The following ADAMTS6 variants were observed in gnomAD, a reference collection of about 807,000 sequenced individuals.
ADAMTS6 encodes the protein A disintegrin and metalloproteinase with thrombospondin motifs 6.
ADAMTS6 carries 23 observed loss-of-function variants against 144.3 expected under a neutral mutation model. The observed-to-expected ratio is 0.16, with a 90% confidence interval of 0.11 to 0.23. ADAMTS6 has a LOEUF of 0.23. Among genes scored for constraint, ADAMTS6 ranks in the 10% least tolerant of loss-of-function variants. The pLI, the probability that ADAMTS6 is intolerant of heterozygous loss-of-function variation, is 1.00. For synonymous variants in ADAMTS6, 444 were observed against 457.5 expected (o/e 0.97, Z 0.38); for missense variants, 999 against 1,379.6 (o/e 0.72, Z 4.37).
At chr5:65,284,184 C>A (rs917281759) in intron 11 of ADAMTS6, among the ~76,000 whole-genome samples, 3 of 151,814 alleles carry the variant, frequency 2.0e-5, no homozygotes, top group African/African-American at 7.3e-5. Flanking sequence ...ATAAAATAAA[C>A]AAAAGGGAAT....
At chr5:65,352,500 A>T (rs1283518259) in intron 7 of ADAMTS6, among the ~76,000 whole-genome samples, 2 of 152,130 alleles carry the variant, frequency 1.3e-5, no homozygotes, top group African/African-American at 4.8e-5. Flanking sequence ...CCATAATTAT[A>T]TACTATAATA....
intron 3 of ADAMTS6, among the ~76,000 whole-genome samples, chr5:65,463,078 A>T (rs1580767435): frequency 1.8e-5 from 1 of 55,416 alleles, no homozygotes; most frequent in Admixed American, 1.5e-4. Context: ...GACTCCGTCT[A>T]AAAAAAAAAA....
intron 7 of ADAMTS6, among the ~76,000 whole-genome samples, chr5:65,368,527 A>G (rs577433399): frequency 4.3e-4 from 65 of 152,328 alleles, no homozygotes; most frequent in African/African-American, 1.5e-3. Context: ...AATGAGAGGA[A>G]GCCTCAAAAG....
intron 7 of ADAMTS6, among the ~76,000 whole-genome samples, chr5:65,387,057 A>G (rs1207974448): frequency 1.3e-5 from 2 of 152,232 alleles, no homozygotes; most frequent in East Asian, 3.8e-4. Flanking sequence ...AAATGACACA[A>G]TTTAAAAATT....
intron 12 of ADAMTS6, among the ~76,000 whole-genome samples, chr5:65,268,529 T>C (rs186227366): frequency 1.5e-3 from 228 of 152,280 alleles, no homozygotes; most frequent in Middle Eastern, 6.8e-3. Context: ...GACTGACCCA[T>C]AGACACACAG....
Position 65,460,189 on chromosome 5 carries a change from G to A in ADAMTS6, c.612C>T (p.His204=). 2 of 1,614,056 alleles carry A rather than the reference G, an allele frequency of 1.2e-6. No individual in the cohort carries two copies. The highest frequency in any genetic ancestry group is 1.7e-6 in the Non-Finnish European group (2 of 1,179,960). Residue 204 remains histidine, a synonymous_variant, in exon 4 of 25, where the codon CAC becomes CAT. Transcript: ENST00000381055. ...SALQQRHLYD[H]SHCGVSDFTR... ...ACTCACCCGAAACCCCACAATGAGA[G>A]TGATCATACAGATGTCGTTGTTGAA... is the stretch of plus-strand genomic sequence containing the variant.
intron 7 of ADAMTS6, among the ~76,000 whole-genome samples, chr5:65,397,430 C>G (rs1278777219): frequency 1.3e-5 from 2 of 152,112 alleles, no homozygotes; most frequent in Non-Finnish European, 2.9e-5. Flanking sequence ...ATTTCCCTTT[C>G]TAATATATGC....
At chr5:65,314,937 A>T (rs1178282204) in intron 9 of ADAMTS6, among the ~76,000 whole-genome samples, 1 of 152,170 alleles carries the variant, frequency 6.6e-6, no homozygotes, top group Non-Finnish European at 1.5e-5. Context: ...AATCACCCAC[A>T]TTTGATCATA....
At chr5:65,337,485 T>C (rs1158650166) in intron 7 of ADAMTS6, among the ~76,000 whole-genome samples, 4 of 152,128 alleles carry the variant, frequency 2.6e-5, no homozygotes, top group African/African-American at 7.2e-5. Flanking sequence ...AACTATTCTC[T>C]GTGCTGTCAG....
chr5:65,370,444 G>A (rs1182975645), intron 7 of ADAMTS6, among the ~76,000 whole-genome samples: 2 of 152,170 alleles, frequency 1.3e-5, no homozygotes, highest in Non-Finnish European at 2.9e-5. Context: ...GAAGCAGGGA[G>A]AGGCATTGCC....
intron 15 of ADAMTS6, among the ~76,000 whole-genome samples, chr5:65,238,745 A>G (rs1051472204): frequency 6.6e-6 from 1 of 152,348 alleles, no homozygotes; most frequent in Admixed American, 6.5e-5. Flanking sequence ...AAGTACATGC[A>G]GGACCTTACA....
In ADAMTS6 at chr5:65,403,466, G is replaced by A. The variant is rs115052850; in HGVS notation, c.1073+48009C>T. 5.3e-4 allele frequency among the ~76,000 whole-genome samples: 81 copies of A among 152,110 alleles called. 1 individual carries two copies. The highest frequency in any genetic ancestry group is 1.2e-3 in the African/African-American group (51 of 41,510). On this transcript the variant is annotated intron_variant, in intron 7 of 24. Coordinates refer to ENST00000381055, the MANE Select transcript of ADAMTS6 (RefSeq NM_197941.4). Reference sequence around the variant, plus strand: ...AGCAAGATCATGATCAAGAATTCTCGATCTTCCCCTATAAACCTGTTCCTC... The same window carrying A: ...AGCAAGATCATGATCAAGAATTCTCAATCTTCCCCTATAAACCTGTTCCTC...
chr5:65,291,903 T>C (rs891601901), intron 10 of ADAMTS6, among the ~76,000 whole-genome samples: 2 of 152,186 alleles, frequency 1.3e-5, no homozygotes, highest in Non-Finnish European at 2.9e-5. Flanking sequence ...TAGTTCCACC[T>C]TGGGCAGAAC....
Position 65,214,867 on chromosome 5 carries a change from G to A in ADAMTS6, c.2502C>T (p.Gly834=), listed in dbSNP as rs1162782167. 6.2e-7 allele frequency: 1 copy of A among 1,614,090 alleles called. No individual in the cohort carries two copies. The highest frequency in any genetic ancestry group is 1.7e-5 in the Admixed American group (1 of 60,014). The part of the protein sequence containing the change: ...YKFNVPITRT[G]SGDNEVGFTW... ...TAAAGCCAACTTCATTATCTCCACT[G>A]CCAGTTCGAGTGATGGGAACATTGA... is the stretch of plus-strand genomic sequence containing the variant. Residue 834 remains glycine, a synonymous_variant, in exon 20 of 25, where the codon GGC becomes GGT. Transcript: ENST00000381055. This position sits in a 1 kb window ranked among gnomAD's most constrained non-coding sequence, Gnocchi z 4.6.
intron 7 of ADAMTS6, among the ~76,000 whole-genome samples, chr5:65,409,447 G>A (rs1288030542): frequency 1.3e-5 from 2 of 152,104 alleles, no homozygotes; most frequent in African/African-American, 4.8e-5. Context: ...GACTAAATCA[G>A]GAAGAAGTTG....
At chr5:65,345,099 A>T (rs1748192910) in intron 7 of ADAMTS6, among the ~76,000 whole-genome samples, 1 of 151,800 alleles carries the variant, frequency 6.6e-6, no homozygotes, top group Non-Finnish European at 1.5e-5. Context: ...CCCAGCATCT[A>T]AAAAAATTCC....
At position 65,291,320 on chromosome 5, in the gene ADAMTS6, A is replaced by G. The variant is rs765116206; in HGVS notation, c.1512+9T>C. 1.9e-5 allele frequency: 31 copies of G among 1,605,694 alleles called. No individual in the cohort carries two copies. In the Admixed American group the frequency reaches 3.6e-4, roughly 18 times the overall value. ...TAAATGACGAAACATAAGGATGAAG[A>G]CTTCTTACCCCATATTTACATTGGC... On this transcript the variant is annotated intron_variant, in intron 11 of 24. Transcript: ENST00000381055.
At chr5:65,293,174 T>C (rs1390114914) in intron 10 of ADAMTS6, among the ~76,000 whole-genome samples, 1 of 152,086 alleles carries the variant, frequency 6.6e-6, no homozygotes, top group Non-Finnish European at 1.5e-5. Context: ...GTGAGATAAC[T>C]GAATTAGTAG....
chr5:65,267,951 A>G (rs1414751412), intron 12 of ADAMTS6, among the ~76,000 whole-genome samples: 3 of 152,210 alleles, frequency 2.0e-5, no homozygotes, highest in African/African-American at 7.2e-5. Flanking sequence ...TTCAGCCCAA[A>G]TTCTAAATCA....
Sources: allele counts gnomAD v4.1 joint callset (sites outside exome capture counted in the v4.1 genomes callset), GRCh38; gene constraint gnomAD v4.1.1; non-coding constraint Gnocchi (gnomAD v3.1); transcripts MANE v1.5; gene names NCBI Gene and HGNC (gene_info 2026-07-23, HGNC 2026-07-21).